The following FAM200B variants were observed in gnomAD, a reference collection of about 807,000 sequenced individuals.
FAM200B encodes protein FAM200B.
A neutral mutation model predicts 33.1 loss-of-function variants in FAM200B; 32 were observed. The ratio of observed to expected loss-of-function variants is 0.97; its 90% confidence interval spans 0.73 to 1.30. FAM200B has a LOEUF of 1.30. Among genes scored for constraint, FAM200B ranks in the 50% most tolerant of loss-of-function variants. The pLI is 0.00. For synonymous variants in FAM200B, 240 were observed against 264.8 expected (o/e 0.91, Z 0.91); for missense variants, 741 against 754.0 (o/e 0.98, Z 0.20).
At chr4:15,655,252 G>A in the FAM200B span, 2 of 1,443,848 alleles carry the variant, frequency 1.4e-6, no homozygotes, top group Non-Finnish European at 1.9e-6. Context: ...AGTGTGGGGC[G>A]GTGAAGACGT....
rs1719214163 is a variant in FAM200B, at chr4:15,689,580, C to G, written c.*629C>G. On this transcript the variant is annotated 3_prime_UTR_variant, in exon 2 of 2. Coordinates refer to ENST00000422728, the MANE Select transcript of FAM200B (RefSeq NM_001145191.2). ...GTTGAGCCCAGGAGTTCAAGACCAT[C>G]CTGGGCAACATAGTGAGACCTTATT... 1 of 166,324 alleles carries G rather than the reference C, an allele frequency of 6.0e-6. No homozygotes were observed. The highest frequency in any genetic ancestry group is 1.9e-4 in the East Asian group (1 of 5,196). The allele number at this position is 166,324 out of a possible 1,614,324, so 10.3% of individuals were successfully genotyped here.
At chr4:15,647,229 A>G in the FAM200B span, among the ~76,000 whole-genome samples, 3 of 137,696 alleles carry the variant, frequency 2.2e-5, no homozygotes, top group Non-Finnish European at 4.6e-5. Context: ...TCTCAAAAAA[A>G]AAAAAAAAAA....
chr4:15,668,839 A>G, the FAM200B span, among the ~76,000 whole-genome samples: 1 of 152,228 alleles, frequency 6.6e-6, no homozygotes, highest in Non-Finnish European at 1.5e-5. Flanking sequence ...ATTTTCTTCT[A>G]ACATGTCTGG....
the FAM200B span, among the ~76,000 whole-genome samples, chr4:15,641,250 C>A: frequency 2.6e-5 from 4 of 152,086 alleles, no homozygotes; most frequent in Admixed American, 6.6e-5. Context: ...TTATGGTCAT[C>A]TAGTGTCTCC....
the FAM200B span, among the ~76,000 whole-genome samples, chr4:15,660,963 G>A: frequency 1.3e-5 from 2 of 152,066 alleles, no homozygotes; most frequent in Admixed American, 6.6e-5. Flanking sequence ...TGTAGTACCA[G>A]CTACTGGAAA....
At chr4:15,638,505 C>T in the FAM200B span, 1 of 1,583,328 alleles carries the variant, frequency 6.3e-7, no homozygotes, top group Admixed American at 1.9e-5. Flanking sequence ...ATATGAATCT[C>T]ACCTTTATCT....
At chr4:15,664,550 C>CTTTTT in the FAM200B span, among the ~76,000 whole-genome samples, 52 of 75,518 alleles carry the variant, frequency 6.9e-4, no homozygotes, top group East Asian at 1.3e-3. Flanking sequence ...GGCCCTCATC[C>CTTTTT]TTTTTTTTTT....
At chr4:15,643,133 ATATTAC>A in the FAM200B span, among the ~76,000 whole-genome samples, 1 of 152,184 alleles carries the variant, frequency 6.6e-6, no homozygotes, top group Non-Finnish European at 1.5e-5. Context: ...CCTTCTATTA[ATATTAC>A]TATCTAGTAC....
intron 1 of FAM200B, among the ~76,000 whole-genome samples, chr4:15,683,104 A>G (rs1346234278): frequency 6.6e-6 from 1 of 152,238 alleles, no homozygotes; most frequent in Non-Finnish European, 1.5e-5. Flanking sequence ...ATTTTAGACT[A>G]TCAAGCATTG....
At chr4:15,658,850 T>C in the FAM200B span, among the ~76,000 whole-genome samples, 7 of 152,198 alleles carry the variant, frequency 4.6e-5, no homozygotes, top group Non-Finnish European at 7.3e-5. Flanking sequence ...CATTAAATAT[T>C]AAGAAAAATT....
chr4:15,677,044 G>A (rs1164676813), upstream of FAM200B, among the ~76,000 whole-genome samples: 1 of 152,058 alleles, frequency 6.6e-6, no homozygotes, highest in Admixed American at 6.6e-5. Flanking sequence ...GTCAAAAAGA[G>A]GTTTATTTCG....
At chr4:15,679,304 G>A (rs565647791), upstream of FAM200B, among the ~76,000 whole-genome samples, 5 of 151,840 alleles carry the variant, frequency 3.3e-5, no homozygotes, top group South Asian at 2.1e-4. Context: ...CACCCGCTTC[G>A]GCCTCTCAAA....
Position 15,689,821 on chromosome 4 carries a change from C to T in FAM200B, c.*870C>T, listed in dbSNP as rs1263857601. ...TCCCTAAAAAAACCTTTTCTAACCA[C>T]CCTAGGGTAAATCCTCCATTATTCC... is the stretch of plus-strand genomic sequence containing the variant. On this transcript the variant is annotated 3_prime_UTR_variant, in exon 2 of 2. Transcript: ENST00000422728. 1 of 166,948 alleles carries T rather than the reference C, an allele frequency of 6.0e-6. No homozygotes were observed. Among genetic ancestry groups the T allele is most frequent in the African/African-American group, 2.4e-5 (1 of 41,432 alleles). The allele number at this position is 166,948 out of a possible 1,614,324, so 10.3% of individuals were successfully genotyped here. A position where few individuals can be genotyped will look rare whatever the true frequency, so the allele number is the denominator to read the frequency against.
chr4:15,687,173 G>A lies in FAM200B; in HGVS notation c.196G>A (p.Asp66Asn), dbSNP rs747505680. 4.0e-5 allele frequency: 61 copies of A among 1,541,668 alleles called. 1 individual carries two copies. In the South Asian group the frequency reaches 4.3e-4, roughly 11 times the overall value. ...AGTAAGTGCAAGACGTTATAATGAA[G>A]ATTACTTAAAATATGGCTTTATCAA... ...KKVSARRYNE[D>N]YLKYGFIKCE... The change falls in exon 2 of 2, where the codon GAT becomes AAT. Residue 66 changes from aspartate to asparagine, a missense_variant. By Grantham distance (23) the Asp-to-Asn change is conservative. Coordinates refer to ENST00000422728, the MANE Select transcript of FAM200B (RefSeq NM_001145191.2).
At chr4:15,668,840 A>T in the FAM200B span, among the ~76,000 whole-genome samples, 2 of 152,218 alleles carry the variant, frequency 1.3e-5, no homozygotes, top group Non-Finnish European at 2.9e-5. Context: ...TTTTCTTCTA[A>T]CATGTCTGGA....
chr4:15,641,731 T>A, the FAM200B span: 1 of 395,194 alleles, frequency 2.5e-6, no homozygotes, highest in South Asian at 1.9e-5. Context: ...CAACTGTACC[T>A]GTTAACATTA....
the FAM200B span, among the ~76,000 whole-genome samples, chr4:15,639,635 T>C: frequency 6.6e-6 from 1 of 152,228 alleles, no homozygotes; most frequent in African/African-American, 2.4e-5. Context: ...ATAATTGTGA[T>C]GGATATCATA....
the FAM200B span, chr4:15,655,507 T>A: frequency 1.7e-5 from 7 of 417,604 alleles, no homozygotes; most frequent in African/African-American, 2.2e-5. Context: ...TCGCGGCTTC[T>A]GCCTCCCGCC....
intron 1 of FAM200B, among the ~76,000 whole-genome samples, chr4:15,683,570 AAAT>A (rs1346043339): frequency 5.9e-5 from 9 of 152,204 alleles, no homozygotes; most frequent in African/African-American, 9.6e-5. Flanking sequence ...AGTAATATAA[AAAT>A]AAGATACTTT....
Sources: allele counts gnomAD v4.1 joint callset (sites outside exome capture counted in the v4.1 genomes callset), GRCh38; gene constraint gnomAD v4.1.1; transcripts MANE v1.5; gene names NCBI Gene and HGNC (gene_info 2026-07-23, HGNC 2026-07-21).